Variants in HTR2C observed in about 807,000 individuals in gnomAD.
HTR2C encodes 5-hydroxytryptamine (serotonin) receptor 2C, G protein-coupled.
In HTR2C, 5 loss-of-function variants were observed where a neutral mutation model predicts 21.0. The ratio of observed to expected loss-of-function variants is 0.24; its 90% CI spans 0.12 to 0.50. The LOEUF (loss-of-function observed/expected upper bound fraction) is 0.50, where lower values mean the gene tolerates loss of function less well. Among genes scored for constraint, HTR2C ranks in the 20% least tolerant of loss-of-function variants. The pLI is 0.98. For missense variants in HTR2C, 271 were observed against 371.2 expected, an observed-to-expected ratio of 0.73 and a Z score of 2.22; for synonymous variants, 150 against 145.3, an observed-to-expected ratio of 1.03 and a Z score of -0.23.
intron 4 of HTR2C, among the ~76,000 whole-genome samples, chrX:114,809,168 G>C (rs1262020848): frequency 9.0e-6 from 1 of 110,930 alleles, no homozygotes; most frequent in Non-Finnish European, 1.9e-5. Flanking sequence ...GAATCTACCT[G>C]GTGCTCTAGT....
chrX:114,823,365 G>T, intron 4 of HTR2C: 1 of 334,205 alleles, frequency 3.0e-6, no homozygotes, highest in Non-Finnish European at 5.9e-6. Flanking sequence ...AGGCTTTCAT[G>T]ACAGCATTTA....
intron 4 of HTR2C, among the ~76,000 whole-genome samples, chrX:114,761,395 GT>G (rs2069864538): frequency 9.0e-6 from 1 of 111,059 alleles, no homozygotes; most frequent in Non-Finnish European, 1.9e-5. Flanking sequence ...GGTTAAGTAT[GT>G]TAATTGGAAT....
chrX:114,795,124 C>T (rs1321808732), intron 4 of HTR2C, among the ~76,000 whole-genome samples: 5 of 111,187 alleles, frequency 4.5e-5, no homozygotes, highest in African/African-American at 1.3e-4. Context: ...TCTCTGATGG[C>T]CAGTGATGAT....
chrX:114,868,692 G>T (rs2071066116), intron 5 of HTR2C, among the ~76,000 whole-genome samples: 1 of 111,504 alleles, frequency 9.0e-6, no homozygotes, highest in Admixed American at 9.6e-5. Context: ...AAAATCTTAT[G>T]ATACATGTTA....
intron 4 of HTR2C, among the ~76,000 whole-genome samples, chrX:114,778,734 G>C (rs781809964): frequency 9.0e-6 from 1 of 110,836 alleles, no homozygotes; most frequent in South Asian, 3.8e-4. Context: ...GTTTACGTCT[G>C]CCATTATATT....
At chrX:114,678,547 G>A (rs1931643513) in intron 2 of HTR2C, among the ~76,000 whole-genome samples, 1 of 111,336 alleles carries the variant, frequency 9.0e-6, no homozygotes, top group South Asian at 3.8e-4. Context: ...GACCATTCTG[G>A]GGAATGAATA....
At chrX:114,798,807 G>A (rs2070319400) in intron 4 of HTR2C, among the ~76,000 whole-genome samples, 1 of 111,285 alleles carries the variant, frequency 9.0e-6, no homozygotes, top group African/African-American at 3.2e-5. Context: ...TGAATAAAAA[G>A]CTTTCTCATT....
intron 4 of HTR2C, among the ~76,000 whole-genome samples, chrX:114,774,158 C>T (rs1369276962): frequency 3.6e-5 from 4 of 111,470 alleles, no homozygotes; most frequent in African/African-American, 1.3e-4. Flanking sequence ...TATGTGTATG[C>T]ATATGTGTGT....
chrX:114,590,902 G>A (rs185736001), intron 1 of HTR2C, among the ~76,000 whole-genome samples: 56 of 111,616 alleles, frequency 5.0e-4, no homozygotes, highest in Admixed American at 4.1e-3. Context: ...CACCCATTTT[G>A]CGGTATGGGT....
chrX:114,788,552 T>C (rs1252514025), intron 4 of HTR2C, among the ~76,000 whole-genome samples: 1 of 109,754 alleles, frequency 9.1e-6, no homozygotes, highest in Admixed American at 9.8e-5. Flanking sequence ...GTGAGCCACC[T>C]CACCTGGCCC....
rs186604454 is a variant in HTR2C at position 114,689,289 on chromosome X, G to T, written c.-79-37569G>T. Among the ~76,000 whole-genome samples the T allele has an allele frequency of 5.0e-4, 50 of 99,640 alleles. 2 individuals are homozygous for T. The East Asian group carries it at 0.015, about 30-fold the overall frequency. The allele number at this position is 99,640 out of a possible 115,157, so 86.5% of individuals were successfully genotyped here. On this transcript the variant is annotated intron_variant, in intron 2 of 5. Coordinates refer to ENST00000276198, the MANE Select transcript of HTR2C (RefSeq NM_000868.4). ...GCATTTAGGCTGCTTCCATATTTTT[G>T]CAATTGCAAATTGTGCTGCTATAAA...
intron 4 of HTR2C, among the ~76,000 whole-genome samples, chrX:114,749,830 A>G (rs1482348120): frequency 1.8e-5 from 2 of 112,392 alleles, no homozygotes; most frequent in African/African-American, 6.5e-5. Flanking sequence ...TTCATTATAA[A>G]CCGAAAGCAA....
At chrX:114,884,643 A>C (rs2071206796) in intron 5 of HTR2C, among the ~76,000 whole-genome samples, 1 of 111,611 alleles carries the variant, frequency 9.0e-6, no homozygotes, top group Non-Finnish European at 1.9e-5. Flanking sequence ...TACCAAAAAT[A>C]CAAAAGATAA....
At chrX:114,630,773 C>T (rs1556404051) in intron 2 of HTR2C, 1 of 335,350 alleles carries the variant, frequency 3.0e-6, no homozygotes, top group Admixed American at 2.8e-5. Context: ...GAGCATGGGG[C>T]CCCAACCCCA....
chrX:114,740,204 A>G (rs1556425103), intron 4 of HTR2C, among the ~76,000 whole-genome samples: 1 of 109,732 alleles, frequency 9.1e-6, no homozygotes, highest in Admixed American at 9.9e-5. Flanking sequence ...TGGTCCTTAA[A>G]TACATGAAAA....
At chrX:114,777,673 G>A (rs1556438993) in intron 4 of HTR2C, among the ~76,000 whole-genome samples, 2 of 110,630 alleles carry the variant, frequency 1.8e-5, no homozygotes, top group African/African-American at 3.3e-5. Context: ...TTCCCCTTCC[G>A]CAGCCTCCCG....
chrX:114,858,823 T>A (rs2070984305), intron 5 of HTR2C, among the ~76,000 whole-genome samples: 1 of 111,041 alleles, frequency 9.0e-6, no homozygotes, highest in Non-Finnish European at 1.9e-5. Context: ...TTGTAAAATG[T>A]CTTTCATCAA....
chrX:114,751,723 C>G (rs950932547), intron 4 of HTR2C, among the ~76,000 whole-genome samples: 13 of 111,403 alleles, frequency 1.2e-4, no homozygotes, highest in African/African-American at 3.9e-4. Flanking sequence ...CATTAAGGTA[C>G]TTAGTTCACA....
Position 114,878,937 on chromosome X carries a change from C to T in HTR2C, c.551-27652C>T, listed in dbSNP as rs1274438310. Among the ~76,000 whole-genome samples, 4 of 110,182 alleles carry T rather than the reference C, an allele frequency of 3.6e-5. No homozygotes were observed. In the South Asian group the frequency reaches 1.1e-3, roughly 31 times the overall value. ...CAGTGTTTCCTGATTAAAATGCCAT[C>T]GACACTTGAATAGAATTGTATCTTG... On this transcript the variant is annotated intron_variant, in intron 5 of 5. Transcript: ENST00000276198.
Sources: allele counts gnomAD v4.1 joint callset (sites outside exome capture counted in the v4.1 genomes callset), GRCh38; gene constraint gnomAD v4.1.1; transcripts MANE v1.5; gene names NCBI Gene and HGNC (gene_info 2026-07-23, HGNC 2026-07-21).